The following DOK6 variants were observed in gnomAD, a reference collection of about 807,000 sequenced individuals.
DOK6 encodes downstream of tyrosine kinase 6.
A neutral mutation model predicts 44.0 loss-of-function variants in DOK6; 22 were observed. The observed-to-expected ratio is 0.50, with a 90% CI of 0.36 to 0.71. The LOEUF (loss-of-function observed/expected upper bound fraction) is 0.71. DOK6 is among the 30% of genes least tolerant of loss of function. The pLI, the probability that DOK6 is intolerant of heterozygous loss-of-function variation, is 0.00. For synonymous variants in DOK6, 166 were observed against 145.5 expected (o/e 1.14, Z -1.01); for missense variants, 340 against 416.4 (o/e 0.82, Z 1.60).
chr18:69,578,314 G>A (rs1983285542), intron 2 of DOK6, among the ~76,000 whole-genome samples: 1 of 152,008 alleles, frequency 6.6e-6, no homozygotes, highest in African/African-American at 2.4e-5. Flanking sequence ...TAACATCATG[G>A]CACACAAAGT....
chr18:69,740,482 T>C (rs1978764427), intron 6 of DOK6, among the ~76,000 whole-genome samples: 1 of 152,212 alleles, frequency 6.6e-6, no homozygotes, highest in Non-Finnish European at 1.5e-5. Context: ...TGTACTTCTT[T>C]ACTTATAGTT....
chr18:69,405,564 A>C (rs917374985), intron 1 of DOK6, among the ~76,000 whole-genome samples: 2 of 151,774 alleles, frequency 1.3e-5, no homozygotes, highest in African/African-American at 4.9e-5. Context: ...TGGGTGACAA[A>C]GCGAAACTCT....
intron 3 of DOK6, among the ~76,000 whole-genome samples, chr18:69,639,314 C>T (rs915323831): frequency 7.2e-5 from 11 of 152,120 alleles, no homozygotes; most frequent in African/African-American, 2.4e-4. Flanking sequence ...TAGAGAAAAC[C>T]TTTTACAGCA....
At chr18:69,662,026 A>G (rs545395620) in intron 3 of DOK6, 5 of 152,256 alleles carry the variant, frequency 3.3e-5, no homozygotes, top group South Asian at 2.1e-4. Flanking sequence ...TAATCTCACC[A>G]TCAATATATT....
chr18:69,839,927 A>C (rs1003163214), intron 7 of DOK6, among the ~76,000 whole-genome samples: 4 of 152,162 alleles, frequency 2.6e-5, no homozygotes, highest in African/African-American at 9.7e-5. Flanking sequence ...GTGAATCTAA[A>C]ACAACTTTTT....
chr18:69,833,730 G>A (rs1455708178), intron 7 of DOK6, among the ~76,000 whole-genome samples: 4 of 151,894 alleles, frequency 2.6e-5, no homozygotes, highest in Non-Finnish European at 5.9e-5. Flanking sequence ...AAAGCAAAAT[G>A]TAAAAATAAG....
At chr18:69,643,450 C>T (rs1984993529) in intron 3 of DOK6, among the ~76,000 whole-genome samples, 1 of 152,158 alleles carries the variant, frequency 6.6e-6, no homozygotes, top group African/African-American at 2.4e-5. Context: ...CATCCCTAAC[C>T]TTTGGCTTGT....
intron 5 of DOK6, among the ~76,000 whole-genome samples, chr18:69,736,088 G>A (rs1978595682): frequency 6.6e-6 from 1 of 152,150 alleles, no homozygotes; most frequent in African/African-American, 2.4e-5. Flanking sequence ...CAGTAAGTTT[G>A]TGATTCTTGC....
At chr18:69,411,885 C>T (rs1978307784) in intron 1 of DOK6, among the ~76,000 whole-genome samples, 1 of 152,124 alleles carries the variant, frequency 6.6e-6, no homozygotes, top group Non-Finnish European at 1.5e-5. Context: ...ACTCTTTCAT[C>T]TCTTTGCCTC....
intron 7 of DOK6, among the ~76,000 whole-genome samples, chr18:69,805,927 CTTAATTA>C (rs1981040061): frequency 6.6e-6 from 1 of 151,678 alleles, no homozygotes; most frequent in African/African-American, 2.4e-5. Context: ...AATAATTTAT[CTTAATTA>C]TTAATTATAT....
intron 1 of DOK6, among the ~76,000 whole-genome samples, chr18:69,425,292 T>C (rs1026484558): frequency 6.6e-6 from 1 of 151,994 alleles, no homozygotes; most frequent in Non-Finnish European, 1.5e-5. Context: ...CTTTTCCCAC[T>C]ATCACAGCTT....
intron 7 of DOK6, among the ~76,000 whole-genome samples, chr18:69,777,394 T>C (rs990962187): frequency 6.6e-6 from 1 of 152,110 alleles, no homozygotes; most frequent in East Asian, 1.9e-4. Context: ...GTAAGTCCTA[T>C]TATTTATGCT....
At chr18:69,696,405 G>A (rs1258943551) in intron 4 of DOK6, among the ~76,000 whole-genome samples, 2 of 152,078 alleles carry the variant, frequency 1.3e-5, no homozygotes, top group Admixed American at 1.3e-4. Context: ...ACAGCCATAA[G>A]CAACAATAAT....
At chr18:69,478,156 G>A (rs904949812) in intron 1 of DOK6, among the ~76,000 whole-genome samples, 1 of 152,142 alleles carries the variant, frequency 6.6e-6, no homozygotes, top group Non-Finnish European at 1.5e-5. Context: ...ACTCCCATTA[G>A]CTCAGTGTGG....
chr18:69,768,613 T>C (rs1979790225), intron 7 of DOK6, among the ~76,000 whole-genome samples: 1 of 149,528 alleles, frequency 6.7e-6, no homozygotes, highest in Admixed American at 6.7e-5. Context: ...TATTTTCCTC[T>C]GCGGGCCAAG....
chr18:69,581,581 G>A (rs1983370724), intron 2 of DOK6, among the ~76,000 whole-genome samples: 1 of 152,122 alleles, frequency 6.6e-6, no homozygotes, highest in South Asian at 2.1e-4. Context: ...ACACCTATAG[G>A]CATCATATTT....
At position 69,566,160 on chromosome 18, in the gene DOK6, C is replaced by T. The variant is rs541937369; in HGVS notation, c.174+1566C>T. Among the ~76,000 whole-genome samples, 301 of 151,458 alleles carry T rather than the reference C, an allele frequency of 2.0e-3. 1 individual carries two copies. The highest frequency in any genetic ancestry group is 6.9e-3 in the African/African-American group (283 of 40,952). On this transcript the variant is annotated intron_variant, in intron 2 of 7. Coordinates refer to ENST00000382713, the MANE Select transcript of DOK6 (RefSeq NM_152721.6). ...ATTTATTTATTTACTTATTTATAGACGGAGTCTGGCTCTGTCACCCAGGCT... is the reference window on the plus strand; with the variant it reads ...ATTTATTTATTTACTTATTTATAGATGGAGTCTGGCTCTGTCACCCAGGCT...
chr18:69,448,214 G>A (rs1447314452), intron 1 of DOK6, among the ~76,000 whole-genome samples: 2 of 152,126 alleles, frequency 1.3e-5, no homozygotes, highest in Non-Finnish European at 2.9e-5. Flanking sequence ...TCACCAGATT[G>A]TTTTAAGTGT....
rs1008974791 is a variant in DOK6, at chr18:69,617,578, AAG to A, written c.289+18090_289+18091del. Among the ~76,000 whole-genome samples the A allele has an allele frequency of 4.8e-5, 5 of 103,580 alleles. No individual in the cohort carries two copies. In the East Asian group the frequency reaches 7.7e-4, roughly 16 times the overall value. The allele number at this position is 103,580 out of a possible 152,430, so 68.0% of individuals were successfully genotyped here. ...CTGAGTGATAGGAGAAAAAGAAAGAAAGAGAGAGAGACAGAAAAGACTGAGCG... is the reference window on the plus strand; with the variant it reads ...CTGAGTGATAGGAGAAAAAGAAAGAAAGAGAGAGACAGAAAAGACTGAGCG... On this transcript the variant is annotated intron_variant, in intron 3 of 7. Coordinates refer to ENST00000382713, the MANE Select transcript of DOK6 (RefSeq NM_152721.6).
Sources: gnomAD v4.1 joint callset for allele counts (sites outside exome capture counted in the v4.1 genomes callset) on GRCh38, gnomAD v4.1.1 for gene constraint, MANE v1.5 for transcripts, NCBI Gene and HGNC (gene_info 2026-07-23, HGNC 2026-07-21) for gene names.